Variants in CCDC198 observed in about 807,000 individuals in gnomAD.
CCDC198 encodes factor associated with metabolism and energy.
Under a neutral mutation model 35.6 loss-of-function variants are expected in CCDC198, and 18 were observed. The ratio of observed to expected loss-of-function variants is 0.51; its 90% CI spans 0.35 to 0.75. CCDC198 has a LOEUF of 0.75. CCDC198 is among the 30% of genes least tolerant of loss of function. The pLI, the probability that CCDC198 is intolerant of heterozygous loss-of-function variation, is 0.01. For synonymous variants in CCDC198, 119 were observed against 113.4 expected (o/e 1.05, Z -0.31); for missense variants, 365 against 343.7 (o/e 1.06, Z -0.49).
chr14:57,484,804 G>A (rs2067303771), intron 2 of CCDC198, among the ~76,000 whole-genome samples: 1 of 152,202 alleles, frequency 6.6e-6, no homozygotes, highest in African/African-American at 2.4e-5. Flanking sequence ...CATGCGTTAA[G>A]CAAAGGAGTG....
chr14:57,481,421 G>T (rs1358670300), intron 4 of CCDC198, 138 bp downstream of exon 4: 8 of 605,870 alleles, frequency 1.3e-5, no homozygotes, highest in Middle Eastern at 4.4e-4. Flanking sequence ...CTCAGCTTTA[G>T]TAGTTGAACC....
chr14:57,491,570 G>A (rs73299838), intron 1 of CCDC198, among the ~76,000 whole-genome samples: 3,909 of 152,056 alleles, frequency 0.026, 180 homozygotes, highest in African/African-American at 0.089. Flanking sequence ...CAATTCAATA[G>A]CCCCTTTAGT....
chr14:57,489,097 A>C (rs758880231), intron 2 of CCDC198, among the ~76,000 whole-genome samples: 1 of 152,232 alleles, frequency 6.6e-6, no homozygotes, highest in Non-Finnish European at 1.5e-5. Flanking sequence ...AGCACTGTTC[A>C]CAATAGCAAA....
intron 1 of CCDC198, among the ~76,000 whole-genome samples, chr14:57,492,402 ACT>A (rs2067602066): frequency 6.6e-6 from 1 of 151,762 alleles, no homozygotes; most frequent in Non-Finnish European, 1.5e-5. Context: ...AAATCTTAAA[ACT>A]CTCAATGGGG....
At chr14:57,476,116 T>A (rs2066989315) in intron 5 of CCDC198, among the ~76,000 whole-genome samples, 1 of 152,138 alleles carries the variant, frequency 6.6e-6, no homozygotes, top group Admixed American at 6.5e-5. Flanking sequence ...CTGGCCACAC[T>A]TTACATTTTA....
intron 2 of CCDC198, among the ~76,000 whole-genome samples, chr14:57,489,056 A>G (rs976057906): frequency 6.6e-6 from 1 of 152,226 alleles, no homozygotes; most frequent in South Asian, 2.1e-4. Context: ...TCATTCTATT[A>G]TAAAGATACA....
At chr14:57,476,779 A>G (rs965892102) in intron 5 of CCDC198, among the ~76,000 whole-genome samples, 39 of 152,280 alleles carry the variant, frequency 2.6e-4, no homozygotes, top group African/African-American at 8.7e-4. Flanking sequence ...AGACCCTGAT[A>G]GTAGAATGCT....
chr14:57,479,071 G>A (rs1356393516), intron 5 of CCDC198: 39 of 1,239,720 alleles, frequency 3.1e-5, no homozygotes, highest in Non-Finnish European at 3.9e-5. Context: ...TCTAATTGGT[G>A]GGGCAATGTA....
At chr14:57,484,373 C>T (rs2067287711) in intron 2 of CCDC198, among the ~76,000 whole-genome samples, 2 of 152,208 alleles carry the variant, frequency 1.3e-5, no homozygotes, top group South Asian at 4.1e-4. Flanking sequence ...TTCTTCAAGC[C>T]AATGAACAGC....
At chr14:57,483,755 G>C (rs2067265437) in intron 2 of CCDC198, among the ~76,000 whole-genome samples, 1 of 152,164 alleles carries the variant, frequency 6.6e-6, no homozygotes, top group Non-Finnish European at 1.5e-5. Flanking sequence ...ATGTCAACCG[G>C]TCTGCCTCCA....
chr14:57,487,299 G>A (rs561692089), intron 2 of CCDC198, among the ~76,000 whole-genome samples: 12 of 152,262 alleles, frequency 7.9e-5, no homozygotes, highest in African/African-American at 2.4e-4. Context: ...CAGTTGAAGC[G>A]TCTGCTAGGA....
In CCDC198 at chr14:57,481,528, T is replaced by G. The variant is rs764097046; in HGVS notation, c.495+31A>C. The G allele has an allele frequency of 7.5e-6, 11 of 1,460,962 alleles. No homozygotes were observed. The Admixed American group carries it at 1.9e-4, about 25-fold the overall frequency. 90.5% of individuals were successfully genotyped at this position (1,460,962 alleles called of 1,614,324 possible). A position where few individuals can be genotyped will look rare whatever the true frequency, so the allele number is the denominator to read the frequency against. On this transcript the variant is annotated intron_variant, in intron 4 of 5. Coordinates refer to ENST00000216445, the MANE Select transcript of CCDC198 (RefSeq NM_018168.4). ...AGGGCAGTGATTATGTGATGAAAAT[T>G]TGGTAAATATGACACTCTTCTCGTA...
chr14:57,482,206 A>G (rs1317721209), intron 3 of CCDC198, among the ~76,000 whole-genome samples: 1 of 152,208 alleles, frequency 6.6e-6, no homozygotes. Context: ...TCTCCCCGCC[A>G]GTGCATCATA....
At chr14:57,482,782 C>T (rs775609710) in intron 3 of CCDC198, among the ~76,000 whole-genome samples, 73 of 152,298 alleles carry the variant, frequency 4.8e-4, no homozygotes, top group Non-Finnish European at 8.4e-4. Context: ...TCACCAATTT[C>T]TAAGTAAAAG....
intron 2 of CCDC198, among the ~76,000 whole-genome samples, chr14:57,485,734 G>A (rs186236806): frequency 9.8e-5 from 15 of 152,334 alleles, no homozygotes; most frequent in African/African-American, 3.4e-4. Flanking sequence ...GTAAGGAAGA[G>A]AAGAAGGGCA....
At chr14:57,492,080 C>CT (rs1321303196) in intron 1 of CCDC198, among the ~76,000 whole-genome samples, 2 of 151,856 alleles carry the variant, frequency 1.3e-5, no homozygotes, top group Non-Finnish European at 2.9e-5. Context: ...CTTACTAATC[C>CT]TTATTTTTTT....
intron 2 of CCDC198, among the ~76,000 whole-genome samples, chr14:57,488,563 A>C (rs2067449506): frequency 6.6e-6 from 1 of 152,164 alleles, no homozygotes; most frequent in Non-Finnish European, 1.5e-5. Flanking sequence ...CTGAAGACAT[A>C]AGATTGAATA....
At chr14:57,476,669 C>T (rs1433089990) in intron 5 of CCDC198, among the ~76,000 whole-genome samples, 2 of 152,150 alleles carry the variant, frequency 1.3e-5, no homozygotes, top group Admixed American at 1.3e-4. Context: ...ACTTTTATCT[C>T]ACAAGAGAGC....
rs560829714 is a variant in CCDC198, at chr14:57,469,650, T to G, written c.*1705A>C. On this transcript the variant is annotated 3_prime_UTR_variant, in exon 6 of 6. Transcript: ENST00000216445. ...CTGGCTAGTCAAACAATGCATGCTTTCTTTTGGTGGAAATATGCTTCTTAC... is the reference window on the plus strand; with the variant it reads ...CTGGCTAGTCAAACAATGCATGCTTGCTTTTGGTGGAAATATGCTTCTTAC... 1.3e-5 allele frequency: 2 copies of G among 152,332 alleles called. No homozygotes were observed. Among genetic ancestry groups the G allele is most frequent in the Middle Eastern group, 6.8e-3 (2 of 294 alleles). The allele number at this position is 152,332 out of a possible 1,614,324, so 9.4% of individuals were successfully genotyped here.
Sources: gnomAD v4.1 joint callset for allele counts (sites outside exome capture counted in the v4.1 genomes callset) on GRCh38, gnomAD v4.1.1 for gene constraint, MANE v1.5 for transcripts, NCBI Gene and HGNC (gene_info 2026-07-23, HGNC 2026-07-21) for gene names.